Variants in ANTXR1 observed in about 807,000 individuals in gnomAD.
ANTXR1 encodes ANTXR cell adhesion molecule 1.
In ANTXR1, 19 loss-of-function variants were observed where a neutral mutation model predicts 78.1. The observed-to-expected ratio is 0.24, with a 90% CI of 0.17 to 0.36. ANTXR1 has a LOEUF of 0.36. Ranked by LOEUF, ANTXR1 falls within the 10% of genes least tolerant of loss-of-function variation. The pLI is 1.00. For missense variants in ANTXR1, 518 were observed against 718.6 expected, an observed-to-expected ratio of 0.72 and a Z score of 3.19; for synonymous variants, 273 against 260.5, an observed-to-expected ratio of 1.05 and a Z score of -0.46.
chr2:69,096,276 G>A (rs899286672), intron 9 of ANTXR1, among the ~76,000 whole-genome samples: 1 of 9,446 alleles, frequency 1.1e-4, no homozygotes, highest in African/African-American at 1.6e-3. Context: ...AAGGAAGGAA[G>A]GAAGGAAGGA....
At chr2:69,029,022 GC>G (rs1439707572) in intron 1 of ANTXR1, among the ~76,000 whole-genome samples, 1 of 147,012 alleles carries the variant, frequency 6.8e-6, no homozygotes, top group Admixed American at 6.7e-5. Context: ...TTCGAGACCA[GC>G]CTGGGCAACA....
chr2:69,165,471 C>G (rs1312008197), intron 13 of ANTXR1, among the ~76,000 whole-genome samples: 1 of 152,230 alleles, frequency 6.6e-6, no homozygotes. Flanking sequence ...AACAATGAGC[C>G]TGTCTATACA....
At chr2:69,137,810 C>T (rs553949299) in intron 12 of ANTXR1, among the ~76,000 whole-genome samples, 91 of 147,080 alleles carry the variant, frequency 6.2e-4, no homozygotes, top group Non-Finnish European at 1.0e-3. Context: ...AAACAGTGGG[C>T]GCGGTGGCTC....
At chr2:69,058,959 C>T (rs565831125) in intron 3 of ANTXR1, among the ~76,000 whole-genome samples, 6 of 152,274 alleles carry the variant, frequency 3.9e-5, no homozygotes, top group Non-Finnish European at 8.8e-5. Context: ...GTGGAAACAG[C>T]AAGAGAACCA....
chr2:69,170,350 G>T, intron 14 of ANTXR1, 61 bp downstream of exon 14: 1 of 1,598,400 alleles, frequency 6.3e-7, no homozygotes, highest in Non-Finnish European at 8.6e-7. Context: ...GTGGAGAGCT[G>T]GCTGGGCAGC....
At chr2:69,173,735 A>C (rs776947042) in intron 14 of ANTXR1, among the ~76,000 whole-genome samples, 4 of 152,244 alleles carry the variant, frequency 2.6e-5, no homozygotes, top group Non-Finnish European at 5.9e-5. Flanking sequence ...TTTGAAAGGC[A>C]ATAGATAGCA....
chr2:69,077,120 C>T lies in ANTXR1; in HGVS notation c.562-288C>T. 3.3e-5 allele frequency: 16 copies of T among 491,048 alleles called. 1 individual carries two copies. Among genetic ancestry groups the T allele is most frequent in the Non-Finnish European group, 5.9e-5 (16 of 270,456 alleles). The allele number at this position is 491,048 out of a possible 1,614,324, so 30.4% of individuals were successfully genotyped here. On this transcript the variant is annotated intron_variant, in intron 7 of 17. Coordinates refer to ENST00000303714, the MANE Select transcript of ANTXR1 (RefSeq NM_032208.3). ...GCCCAAATTTATAAACATATCAACC[C>T]AGGCCAAGCGTTCATCAAGCTGGGC...
chr2:69,225,325 T>G (rs1675419206), intron 17 of ANTXR1, among the ~76,000 whole-genome samples: 2 of 152,048 alleles, frequency 1.3e-5, no homozygotes, highest in Admixed American at 6.6e-5. Flanking sequence ...GTTGAAAATA[T>G]CAGACTGAGC....
intron 12 of ANTXR1, among the ~76,000 whole-genome samples, chr2:69,144,879 C>A (rs1054721597): frequency 6.6e-6 from 1 of 152,180 alleles, no homozygotes. Flanking sequence ...CAGAAATTGA[C>A]CATACTGTTG....
chr2:69,092,893 C>T (rs1290252245), intron 9 of ANTXR1, among the ~76,000 whole-genome samples: 1 of 152,170 alleles, frequency 6.6e-6, no homozygotes, highest in Non-Finnish European at 1.5e-5. Flanking sequence ...GTTTTATAAA[C>T]ACACATTTTA....
At chr2:69,212,238 A>G (rs1373400852) in intron 17 of ANTXR1, among the ~76,000 whole-genome samples, 1 of 152,206 alleles carries the variant, frequency 6.6e-6, no homozygotes, top group African/African-American at 2.4e-5. Context: ...TGGGAGGAGT[A>G]GAGAAAGAGA....
intron 17 of ANTXR1, among the ~76,000 whole-genome samples, chr2:69,214,630 G>T (rs935898777): frequency 2.6e-5 from 4 of 152,108 alleles, no homozygotes; most frequent in African/African-American, 4.8e-5. Flanking sequence ...TCTCCATTTT[G>T]CTCTTCTCCT....
intron 12 of ANTXR1, among the ~76,000 whole-genome samples, chr2:69,142,272 G>A (rs896827999): frequency 5.9e-5 from 9 of 152,154 alleles, no homozygotes; most frequent in Non-Finnish European, 1.2e-4. Flanking sequence ...AACTATAGGC[G>A]GCATCAGCCT....
chr2:69,161,569 C>T (rs564435554), intron 13 of ANTXR1, among the ~76,000 whole-genome samples: 2 of 152,342 alleles, frequency 1.3e-5, no homozygotes, highest in South Asian at 2.1e-4. Flanking sequence ...TCAATTGATG[C>T]TGTCTATACA....
chr2:69,047,432 G>A (rs187232400), intron 3 of ANTXR1, among the ~76,000 whole-genome samples: 2 of 152,170 alleles, frequency 1.3e-5, no homozygotes, highest in East Asian at 3.9e-4. Flanking sequence ...TAATGGGAAG[G>A]AACTATGCGG....
chr2:69,133,007 CT>C lies in ANTXR1; in HGVS notation c.951+8367del, dbSNP rs1672800252. On this transcript the variant is annotated intron_variant, in intron 12 of 17. Transcript: ENST00000303714. ...CCACCTGTTCCAAAGACTCGTGAAC[CT>C]TTAGATAAGTCAATGGACACAAACA... Among the ~76,000 whole-genome samples, 2 of 152,182 alleles carry C rather than the reference CT, an allele frequency of 1.3e-5. 1 individual carries two copies. Among genetic ancestry groups the C allele is most frequent in the South Asian group, 4.1e-4 (2 of 4,836 alleles).
At chr2:69,160,478 C>T (rs1020587062) in intron 13 of ANTXR1, among the ~76,000 whole-genome samples, 3 of 152,152 alleles carry the variant, frequency 2.0e-5, no homozygotes, top group Admixed American at 6.5e-5. Flanking sequence ...TCCTCATATT[C>T]GTACCTTCTT....
intron 2 of ANTXR1, 59 bp from the exon 3 acceptor site, chr2:69,044,683 A>G (rs1669711054): frequency 5.8e-6 from 9 of 1,558,558 alleles, no homozygotes; most frequent in Non-Finnish European, 8.0e-6. Flanking sequence ...AGGGAGCCTG[A>G]AGGGAGTGGC....
At chr2:69,148,813 A>T (rs1032187324) in intron 12 of ANTXR1, among the ~76,000 whole-genome samples, 1 of 152,196 alleles carries the variant, frequency 6.6e-6, no homozygotes, top group African/African-American at 2.4e-5. Flanking sequence ...GTTGAGTAAC[A>T]CGTTGACCAC....
Sources: allele counts gnomAD v4.1 joint callset (sites outside exome capture counted in the v4.1 genomes callset), GRCh38; gene constraint gnomAD v4.1.1; transcripts MANE v1.5; gene names NCBI Gene and HGNC (gene_info 2026-07-23, HGNC 2026-07-21).